TBC1D22A: variants seen among roughly 807,000 people sequenced by gnomAD.
TBC1D22A encodes the protein TBC1 domain family member 22A, also known as putative GTPase activator.
Under a neutral mutation model 60.2 loss-of-function variants are expected in TBC1D22A, and 38 were observed. That is an observed-to-expected ratio of 0.63 (90% CI 0.49 to 0.83). TBC1D22A has a LOEUF of 0.83. Ranked by LOEUF, TBC1D22A falls within the 40% of genes least tolerant of loss-of-function variation. The pLI, the probability that TBC1D22A is intolerant of heterozygous loss-of-function variation, is 0.00. For missense variants in TBC1D22A, 628 were observed against 701.0 expected (o/e 0.90, Z 1.18); for synonymous variants, 302 against 281.7 (o/e 1.07, Z -0.72).
intron 12 of TBC1D22A, among the ~76,000 whole-genome samples, chr22:47,168,254 G>A: frequency 6.7e-6 from 1 of 149,562 alleles, no homozygotes; most frequent in South Asian, 2.2e-4. Context: ...CGGTTTTGGG[G>A]ATATAGGGAC....
intron 11 of TBC1D22A, among the ~76,000 whole-genome samples, chr22:47,083,526 G>T (rs1391459946): frequency 6.6e-6 from 1 of 152,130 alleles, no homozygotes; most frequent in Non-Finnish European, 1.5e-5. Flanking sequence ...TGAGGCTGAG[G>T]GGAGAACCCT....
chr22:47,087,122 CT>C (rs1487605660), intron 11 of TBC1D22A, among the ~76,000 whole-genome samples: 1 of 152,224 alleles, frequency 6.6e-6, no homozygotes, highest in Non-Finnish European at 1.5e-5. Context: ...CATCACTTAC[CT>C]GTTGATTGGT....
intron 10 of TBC1D22A, among the ~76,000 whole-genome samples, chr22:47,023,694 G>T (rs2062161814): frequency 6.6e-6 from 1 of 152,210 alleles, no homozygotes; most frequent in African/African-American, 2.4e-5. Context: ...AGCCTGTTTG[G>T]ACTATTCAAA....
chr22:47,160,245 T>C (rs2067923593), intron 12 of TBC1D22A, among the ~76,000 whole-genome samples: 1 of 151,920 alleles, frequency 6.6e-6, no homozygotes, highest in Non-Finnish European at 1.5e-5. Context: ...GGAGCCAGGG[T>C]GGGGTGGAGC....
intron 10 of TBC1D22A, among the ~76,000 whole-genome samples, chr22:47,011,898 G>A (rs2061764292): frequency 6.6e-6 from 1 of 151,998 alleles, no homozygotes; most frequent in African/African-American, 2.4e-5. Context: ...AGAATACAAT[G>A]TTACGTATCT....
At chr22:46,812,313 G>A (rs981341163) in intron 4 of TBC1D22A, among the ~76,000 whole-genome samples, 15 of 152,180 alleles carry the variant, frequency 9.9e-5, no homozygotes, top group African/African-American at 3.1e-4. Flanking sequence ...TGGCACCAGC[G>A]CTGGCTTCTC....
At chr22:46,932,438 A>G (rs1428201599) in intron 8 of TBC1D22A, among the ~76,000 whole-genome samples, 3 of 152,304 alleles carry the variant, frequency 2.0e-5, no homozygotes, top group East Asian at 1.9e-4. Flanking sequence ...CAGCTTTTGC[A>G]TTTGTATCCA....
chr22:46,866,583 C>T (rs887568765), intron 4 of TBC1D22A, among the ~76,000 whole-genome samples: 1 of 152,248 alleles, frequency 6.6e-6, no homozygotes, highest in African/African-American at 2.4e-5. Context: ...ATAGATATGG[C>T]ATTACATTTT....
rs1287263712 is a variant in TBC1D22A, at chr22:47,028,936, C to T, written c.1202-8135C>T. ...CTAAGGGCTCAGTCCTTAACAAGAG[C>T]ACCCTCACTTCAGACTCCAGCTGCA... is the stretch of plus-strand genomic sequence containing the variant. On this transcript the variant is annotated intron_variant, in intron 10 of 12. Transcript: ENST00000337137. This position sits in a 1 kb window ranked among gnomAD's most constrained non-coding sequence, Gnocchi z 4.4. 2.0e-5 allele frequency among the ~76,000 whole-genome samples: 3 copies of T among 152,188 alleles called. No homozygotes were observed. Among genetic ancestry groups the T allele is most frequent in the Non-Finnish European group, 2.9e-5 (2 of 68,028 alleles).
At chr22:46,979,388 A>G (rs1284953398) in intron 9 of TBC1D22A, among the ~76,000 whole-genome samples, 2 of 152,248 alleles carry the variant, frequency 1.3e-5, no homozygotes, top group African/African-American at 2.4e-5. Context: ...AATATCTTCC[A>G]GAGACCCGCG....
intron 8 of TBC1D22A, among the ~76,000 whole-genome samples, chr22:46,927,779 A>T (rs1481568754): frequency 6.6e-6 from 1 of 152,234 alleles, no homozygotes; most frequent in Non-Finnish European, 1.5e-5. Flanking sequence ...TTACATTTTC[A>T]TGCACTTGCA....
At chr22:46,961,901 G>A (rs918232216) in intron 8 of TBC1D22A, among the ~76,000 whole-genome samples, 10 of 152,224 alleles carry the variant, frequency 6.6e-5, no homozygotes, top group African/African-American at 2.4e-4. Flanking sequence ...GTGTGAGTGT[G>A]TCTGAGTGTG....
rs2069124135 is a variant in TBC1D22A, at chr22:46,903,074, G to C, written c.900+8228G>C. On this transcript the variant is annotated intron_variant, in intron 7 of 12. Transcript: ENST00000337137. ...TGCTCTGTGATTTCTTCTATTTCCT[G>C]GCCCGGTTGGGCCGTGGATCTCTCC... is the stretch of plus-strand genomic sequence containing the variant. Among the ~76,000 whole-genome samples the C allele has an allele frequency of 2.0e-5, 3 of 152,192 alleles. No homozygotes were observed. In the South Asian group the frequency reaches 6.2e-4, roughly 32 times the overall value.
At position 47,037,102 on chromosome 22, in the gene TBC1D22A, A is replaced by G. The variant is rs1469207865; in HGVS notation, c.1233A>G (p.Glu411=). ...TGCACCGGCACCTGGACCAACACGAAGTGAGATACCTGCAGTTTGCCTTCC... is the reference window on the plus strand; with the variant it reads ...TGCACCGGCACCTGGACCAACACGAGGTGAGATACCTGCAGTTTGCCTTCC... ...EQVHRHLDQH[E]VRYLQFAFRW... The change falls in exon 11 of 13, where the codon GAA becomes GAG. Residue 411 remains glutamate (E), a synonymous_variant. Transcript: ENST00000337137. 5.0e-6 allele frequency: 8 copies of G among 1,613,898 alleles called. No homozygotes were observed. Among genetic ancestry groups the G allele is most frequent in the Non-Finnish European group, 5.1e-6 (6 of 1,179,866 alleles).
At chr22:46,779,884 A>G (rs1454033456) in intron 1 of TBC1D22A, among the ~76,000 whole-genome samples, 1 of 152,020 alleles carries the variant, frequency 6.6e-6, no homozygotes, top group Non-Finnish European at 1.5e-5. Context: ...TCGGGGCGGG[A>G]CAGCCCTCGG....
intron 11 of TBC1D22A, among the ~76,000 whole-genome samples, chr22:47,049,940 G>A (rs1475384733): frequency 2.0e-5 from 3 of 152,242 alleles, no homozygotes; most frequent in African/African-American, 7.2e-5. Context: ...GAACTTGGTG[G>A]CCACAGCCAA....
At chr22:47,110,068 C>A (rs970996980) in intron 11 of TBC1D22A, among the ~76,000 whole-genome samples, 1 of 152,200 alleles carries the variant, frequency 6.6e-6, no homozygotes, top group Non-Finnish European at 1.5e-5. Context: ...CTGCTCGCCT[C>A]GTTCTGCGGT....
chr22:47,069,363 C>G (rs1255053914), intron 11 of TBC1D22A, among the ~76,000 whole-genome samples: 1 of 152,136 alleles, frequency 6.6e-6, no homozygotes, highest in Non-Finnish European at 1.5e-5. Flanking sequence ...TCGTACCTCC[C>G]AGAGTTCAGA....
rs112684647 is a variant in TBC1D22A at position 47,118,837 on chromosome 22, G to A, written c.1425+7234G>A. ...CATACATTTAAAAAATGCTAAACTTGCCTCAAGATAAGCTTTAAAAAAAGC... is the reference window on the plus strand; with the variant it reads ...CATACATTTAAAAAATGCTAAACTTACCTCAAGATAAGCTTTAAAAAAAGC... On this transcript the variant is annotated intron_variant, in intron 12 of 12. Coordinates refer to ENST00000337137, the MANE Select transcript of TBC1D22A (RefSeq NM_014346.5). 2.8e-4 allele frequency among the ~76,000 whole-genome samples: 43 copies of A among 151,904 alleles called. 1 individual carries two copies. The highest frequency in any genetic ancestry group is 2.3e-3 in the Admixed American group (35 of 15,262).
Sources: gnomAD v4.1 joint callset for allele counts (sites outside exome capture counted in the v4.1 genomes callset) on GRCh38, gnomAD v4.1.1 for gene constraint, Gnocchi (gnomAD v3.1) non-coding constraint, MANE v1.5 for transcripts, NCBI Gene and HGNC (gene_info 2026-07-23, HGNC 2026-07-21) for gene names.